Variants in RORC observed in about 807,000 individuals in gnomAD.
RORC encodes nuclear receptor ROR-gamma.
Under a neutral mutation model 64.5 loss-of-function variants are expected in RORC, and 13 were observed. The observed-to-expected ratio is 0.20, with a 90% confidence interval of 0.13 to 0.32. RORC has a LOEUF of 0.32. Among genes scored for constraint, RORC ranks in the 10% least tolerant of loss-of-function variants. The pLI, the probability that RORC is intolerant of heterozygous loss-of-function variation, is 1.00. For synonymous variants in RORC, 277 were observed against 259.3 expected (o/e 1.07, Z -0.65); for missense variants, 468 against 669.5 (o/e 0.70, Z 3.32).
At chr1:151,813,759 G>A (rs923909218) in intron 6 of RORC, 139 bp from the exon 7 acceptor site, 2 of 944,468 alleles carry the variant, frequency 2.1e-6, no homozygotes, top group East Asian at 2.7e-5. Flanking sequence ...CAAAAGCCTG[G>A]TCTTAGCACA....
intron 6 of RORC, 31 bp downstream of exon 6, chr1:151,814,543 C>T (rs139288118): frequency 8.1e-6 from 13 of 1,595,766 alleles, no homozygotes; most frequent in African/African-American, 2.7e-5. Context: ...GGGTGGGATA[C>T]GTTCCCTTCC....
At chr1:151,821,438 A>G (rs1651991046) in intron 2 of RORC, among the ~76,000 whole-genome samples, 1 of 152,140 alleles carries the variant, frequency 6.6e-6, no homozygotes, top group African/African-American at 2.4e-5. Flanking sequence ...TCCAGTGGAT[A>G]CTGATTAAGG....
chr1:151,807,385 T>G lies in RORC; in HGVS notation c.*87A>C. On this transcript the variant is annotated 3_prime_UTR_variant, in exon 11 of 11. Coordinates refer to ENST00000318247, the MANE Select transcript of RORC (RefSeq NM_005060.4). The surrounding 1 kb of genome is among the most constrained non-coding windows in gnomAD (Gnocchi z 5.0). Reference sequence around the variant, plus strand: ...GGTGGGGACCACCCTCCAGGGTTCATGGGAAAGGAAAAGGGTGAGGGTGGA... The same window carrying G: ...GGTGGGGACCACCCTCCAGGGTTCAGGGGAAAGGAAAAGGGTGAGGGTGGA... 7.3e-6 allele frequency: 10 copies of G among 1,376,498 alleles called. No homozygotes were observed. Among genetic ancestry groups the G allele is most frequent in the Non-Finnish European group, 1.0e-5 (10 of 994,850 alleles). The allele number at this position is 1,376,498 out of a possible 1,614,324, so 85.3% of individuals were successfully genotyped here.
chr1:151,831,750 TG>T lies in RORC; in HGVS notation c.14del (p.Pro5HisfsTer24), dbSNP rs766064076. 3 of 1,609,988 alleles carry T rather than the reference TG, an allele frequency of 1.9e-6. No homozygotes were observed. Among genetic ancestry groups the T allele is most frequent in the Non-Finnish European group, 2.5e-6 (3 of 1,179,944 alleles). ...CCCGTGAGGCTCGGTGCTGTCTCTG[TG>T]GGGCCCTGTCCATGGGGCAGCTCCC... is the stretch of plus-strand genomic sequence containing the variant. MDRA[P>X]QRQHRASREL... is the part of the protein sequence containing the mutation. On this transcript the variant is annotated frameshift_variant, in exon 1 of 11. Transcript: ENST00000318247. LOFTEE classifies it high-confidence loss of function.
At chr1:151,809,647 A>G (rs559045119) in intron 10 of RORC, among the ~76,000 whole-genome samples, 1 of 152,188 alleles carries the variant, frequency 6.6e-6, no homozygotes, top group South Asian at 2.1e-4. Flanking sequence ...AGCAGATCCA[A>G]CCGGATGTGC....
At chr1:151,829,359 G>A in intron 2 of RORC, 70 bp downstream of exon 2, 1 of 1,427,474 alleles carries the variant, frequency 7.0e-7, no homozygotes, top group Non-Finnish European at 9.5e-7. Flanking sequence ...TCCCCCCACA[G>A]ATCACTTGCT....
In RORC at chr1:151,813,349, G is replaced by A; in HGVS notation, c.1067-3C>T. The stretch of plus-strand genomic sequence containing the variant: ...AACCAGCACCACTTCCATTGCTCCT[G>A]GGCAGTGGGGAGAGAAGATGCAGGG... On this transcript the variant is annotated splice_polypyrimidine_tract_variant and splice_region_variant and intron_variant, in intron 7 of 10. Transcript: ENST00000318247. 1 of 1,613,584 alleles carries A rather than the reference G, an allele frequency of 6.2e-7. No homozygotes were observed. The highest frequency in any genetic ancestry group is 8.5e-7 in the Non-Finnish European group (1 of 1,179,508).
At position 151,817,254 on chromosome 1, in the gene RORC, T is replaced by A. The variant is rs752988925; in HGVS notation, c.97A>T (p.Ile33Phe). The A allele has an allele frequency of 6.2e-7, 1 of 1,614,046 alleles. No homozygotes were observed. The highest frequency in any genetic ancestry group is 8.5e-7 in the Non-Finnish European group (1 of 1,179,954). ...ATCCCAGACGACTTGTCCCCACAGA[T>A]TTTGCAAGGGATCACTTCAATTTGT... The part of the protein sequence containing the change: ...TSQIEVIPCK[I>F]CGDKSSGIHY... Residue 33 changes from isoleucine to phenylalanine, a missense_variant, in exon 3 of 11, where the codon ATC becomes TTC. By Grantham distance (21) the Ile-to-Phe change is conservative. Around this residue, in one of 5 missense-constraint regions of RORC, gnomAD observed 13 missense variants for 46.0 expected, o/e 0.28. Coordinates refer to ENST00000318247, the MANE Select transcript of RORC (RefSeq NM_005060.4).
intron 2 of RORC, among the ~76,000 whole-genome samples, chr1:151,826,284 C>A (rs566392650): frequency 2.6e-5 from 4 of 152,180 alleles, no homozygotes; most frequent in African/African-American, 9.7e-5. Context: ...GACAGCCACA[C>A]GCGGTAAAAG....
intron 2 of RORC, among the ~76,000 whole-genome samples, chr1:151,827,381 G>A (rs1415690642): frequency 2.0e-5 from 3 of 152,150 alleles, no homozygotes; most frequent in Non-Finnish European, 4.4e-5. Context: ...TTTTGGCCTG[G>A]GGGAGGGGGG....
In RORC at chr1:151,826,143, C is replaced by T. The variant is rs1424179572; in HGVS notation, c.70+3286G>A. On this transcript the variant is annotated intron_variant, in intron 2 of 10. Coordinates refer to ENST00000318247, the MANE Select transcript of RORC (RefSeq NM_005060.4). ...ACACAGGTGGCCAAGTGACAACCCC[C>T]CACCCCACCCCCAAGGGGTGCAGTG... is the stretch of plus-strand genomic sequence containing the variant. 3.2e-6 allele frequency: 4 copies of T among 1,252,738 alleles called. No homozygotes were observed. In the African/African-American group the frequency reaches 4.6e-5, roughly 15 times the overall value. 77.6% of individuals were successfully genotyped at this position (1,252,738 alleles called of 1,614,324 possible).
intron 1 of RORC, 38 bp from the exon 2 acceptor site, chr1:151,829,496 A>C (rs200569443): frequency 7.2e-5 from 108 of 1,493,524 alleles, no homozygotes; most frequent in South Asian, 2.8e-5. Context: ...TCAAAGGTTG[A>C]AGATCATGAG....
intron 2 of RORC, among the ~76,000 whole-genome samples, chr1:151,822,380 G>A (rs368101402): frequency 6.6e-6 from 1 of 152,182 alleles, no homozygotes; most frequent in Admixed American, 6.5e-5. Context: ...GGCCCTCACC[G>A]CAGCTCCTGG....
intron 2 of RORC, among the ~76,000 whole-genome samples, chr1:151,825,547 A>AC (rs1652161200): frequency 6.6e-6 from 1 of 152,188 alleles, no homozygotes; most frequent in Non-Finnish European, 1.5e-5. Context: ...GAAACACTGT[A>AC]ACAGGAGAGT....
rs548655031 is a variant in RORC, at chr1:151,827,748, G to A, written c.70+1681C>T. Among the ~76,000 whole-genome samples, 84 of 152,338 alleles carry A rather than the reference G, an allele frequency of 5.5e-4. 1 individual carries two copies. Among genetic ancestry groups the A allele is most frequent in the African/African-American group, 1.9e-3 (81 of 41,578 alleles). On this transcript the variant is annotated intron_variant, in intron 2 of 10. Transcript: ENST00000318247. ...CTTCAGGAGCTGGGCCGTGGAGTGG[G>A]GGAGAGGCTGTCAGCCTGGATCCTC...
At chr1:151,813,103 G>A in intron 8 of RORC, 46 bp from the exon 9 acceptor site, 1 of 1,509,676 alleles carries the variant, frequency 6.6e-7, no homozygotes, top group Non-Finnish European at 9.2e-7. Flanking sequence ...CTGGAGCGAT[G>A]GTGCCCGAGG....
At chr1:151,814,504 AG>A in intron 6 of RORC, 69 bp downstream of exon 6, 2 of 1,526,752 alleles carry the variant, frequency 1.3e-6, no homozygotes, top group South Asian at 2.5e-5. Flanking sequence ...AGTCGTGCGC[AG>A]GTAGCCATCT....
intron 7 of RORC, 59 bp downstream of exon 7, chr1:151,813,429 C>T (rs1651619080): frequency 2.5e-6 from 4 of 1,610,934 alleles, no homozygotes; most frequent in African/African-American, 2.7e-5. Context: ...CCTTAAGCCA[C>T]CTCCCTCCAC....
intron 8 of RORC, 26 bp downstream of exon 8, chr1:151,813,212 TC>T: frequency 1.3e-6 from 2 of 1,597,580 alleles, no homozygotes; most frequent in Non-Finnish European, 1.7e-6. Context: ...ATCAGAATCT[TC>T]CCTCTCATTT....
Sources: allele counts gnomAD v4.1 joint callset (sites outside exome capture counted in the v4.1 genomes callset), GRCh38; gene constraint gnomAD v4.1.1; regional missense constraint gnomAD v4.1.1; non-coding constraint Gnocchi (gnomAD v3.1); transcripts MANE v1.5; gene names NCBI Gene and HGNC (gene_info 2026-07-23, HGNC 2026-07-21).